Variants in CTIF observed in about 807,000 individuals in gnomAD.
CTIF encodes CBP80/20-dependent translation initiation factor.
In CTIF, 21 loss-of-function variants were observed where a neutral mutation model predicts 66.0. The ratio of observed to expected loss-of-function variants is 0.32; its 90% confidence interval spans 0.23 to 0.46. CTIF has a LOEUF of 0.46. Ranked by LOEUF, CTIF falls within the 20% of genes least tolerant of loss-of-function variation. CTIF has a pLI of 1.00. For missense variants in CTIF, 739 were observed against 812.7 expected, an observed-to-expected ratio of 0.91 and a Z score of 1.10; for synonymous variants, 345 against 326.4, an observed-to-expected ratio of 1.06 and a Z score of -0.62.
At chr18:48,677,356 C>T (rs565204724) in intron 6 of CTIF, among the ~76,000 whole-genome samples, 1 of 152,300 alleles carries the variant, frequency 6.6e-6, no homozygotes, top group Admixed American at 6.5e-5. Context: ...CAGGCATTGT[C>T]TTATAGCCAT....
chr18:48,742,576 G>A (rs1468319948), intron 7 of CTIF, among the ~76,000 whole-genome samples: 1 of 152,272 alleles, frequency 6.6e-6, no homozygotes, highest in Non-Finnish European at 1.5e-5. Flanking sequence ...TTTCCCGAGT[G>A]AGTGATGACA....
chr18:48,633,527 C>A (rs1411319831), intron 2 of CTIF, among the ~76,000 whole-genome samples: 1 of 151,964 alleles, frequency 6.6e-6, no homozygotes, highest in Non-Finnish European at 1.5e-5. Flanking sequence ...CATGGTGAAA[C>A]CCCATCTCTA....
chr18:48,609,567 C>G (rs1212683279), intron 1 of CTIF, among the ~76,000 whole-genome samples: 1 of 152,132 alleles, frequency 6.6e-6, no homozygotes, highest in Admixed American at 6.5e-5. Context: ...AGGAAGCAGG[C>G]CCAGAGTCCG....
chr18:48,701,220 G>A (rs577189558), intron 6 of CTIF, among the ~76,000 whole-genome samples: 8 of 152,232 alleles, frequency 5.3e-5, no homozygotes, highest in Non-Finnish European at 1.0e-4. Flanking sequence ...ATGGCCCTTT[G>A]TACCTCTCAC....
intron 9 of CTIF, among the ~76,000 whole-genome samples, chr18:48,794,234 G>C (rs1195088906): frequency 2.0e-5 from 3 of 152,188 alleles, no homozygotes; most frequent in African/African-American, 7.2e-5. Flanking sequence ...ATCTTTTGCT[G>C]CTCCTTTGAC....
At chr18:48,658,510 T>C (rs958242198) in intron 3 of CTIF, among the ~76,000 whole-genome samples, 5 of 152,092 alleles carry the variant, frequency 3.3e-5, no homozygotes, top group Non-Finnish European at 7.4e-5. Context: ...ATGTGTGTAG[T>C]ATATACATGT....
intron 7 of CTIF, among the ~76,000 whole-genome samples, chr18:48,753,569 G>A (rs1908043832): frequency 6.6e-6 from 1 of 151,480 alleles, no homozygotes; most frequent in African/African-American, 2.4e-5. Context: ...AATGAACGAT[G>A]GAAAAAGCAT....
chr18:48,736,151 A>C (rs2092500899), intron 7 of CTIF, among the ~76,000 whole-genome samples: 1 of 152,232 alleles, frequency 6.6e-6, no homozygotes, highest in South Asian at 2.1e-4. Flanking sequence ...ACACTGAGTC[A>C]AGACCTGGTC....
At chr18:48,713,260 G>A (rs1044477092) in intron 7 of CTIF, among the ~76,000 whole-genome samples, 3 of 152,136 alleles carry the variant, frequency 2.0e-5, no homozygotes, top group Admixed American at 2.0e-4. Flanking sequence ...TGGCAGGGAA[G>A]ACCCAGAGTG....
intron 7 of CTIF, among the ~76,000 whole-genome samples, chr18:48,729,705 T>A (rs892576981): frequency 6.6e-6 from 1 of 152,220 alleles, no homozygotes; most frequent in Admixed American, 6.5e-5. Context: ...TTTCACCCAC[T>A]TGGGGATCCG....
At chr18:48,777,994 G>C (rs1300526490) in intron 9 of CTIF, among the ~76,000 whole-genome samples, 1 of 152,208 alleles carries the variant, frequency 6.6e-6, no homozygotes, top group African/African-American at 2.4e-5. Flanking sequence ...TAGAGTCACT[G>C]TTTCAACACC....
chr18:48,732,063 C>T (rs1483398156), intron 7 of CTIF, among the ~76,000 whole-genome samples: 1 of 152,248 alleles, frequency 6.6e-6, no homozygotes, highest in Admixed American at 6.5e-5. Flanking sequence ...TTCCAACACC[C>T]CGAAGAGAAT....
chr18:48,769,888 A>G (rs972233130), intron 9 of CTIF, among the ~76,000 whole-genome samples: 10 of 152,106 alleles, frequency 6.6e-5, no homozygotes, highest in African/African-American at 1.9e-4. Flanking sequence ...TGGTCTTTCA[A>G]TCTGTTTGTG....
intron 9 of CTIF, among the ~76,000 whole-genome samples, chr18:48,768,869 G>A (rs551679410): frequency 2.6e-5 from 4 of 152,252 alleles, no homozygotes; most frequent in Middle Eastern, 3.4e-3. Flanking sequence ...CTGCTGTTGC[G>A]CTCCAGTGTG....
At chr18:48,582,986 C>T (rs1328202621) in intron 1 of CTIF, among the ~76,000 whole-genome samples, 1 of 152,216 alleles carries the variant, frequency 6.6e-6, no homozygotes, top group Non-Finnish European at 1.5e-5. Context: ...AAATGGGCAG[C>T]TGAGGGTCAG....
At position 48,619,726 on chromosome 18, in the gene CTIF, C is replaced by A. The variant is rs1011115084; in HGVS notation, c.161C>A (p.Thr54Asn). 11 of 1,599,840 alleles carry A rather than the reference C, an allele frequency of 6.9e-6. No homozygotes were observed. The highest frequency in any genetic ancestry group is 1.7e-4 in the Middle Eastern group (1 of 6,036). The change falls in exon 2 of 12, where the codon ACC becomes AAC. Residue 54 changes from threonine to asparagine, a missense_variant. Transcript: ENST00000256413. ...KTEGDGESER[T>N]QSHISQWTAD... ...GAGGGTGATGGCGAGAGCGAGAGGA[C>A]CCAGTCCCACATCTCCCAGGTGAGC...
At chr18:48,581,391 C>A (rs564409439) in intron 1 of CTIF, among the ~76,000 whole-genome samples, 4 of 152,304 alleles carry the variant, frequency 2.6e-5, no homozygotes, top group African/African-American at 9.6e-5. Context: ...GCTCTGCCCT[C>A]ATCTTATCTC....
chr18:48,645,907 C>T (rs891643420), intron 3 of CTIF, among the ~76,000 whole-genome samples: 4 of 152,200 alleles, frequency 2.6e-5, no homozygotes, highest in Non-Finnish European at 5.9e-5. Context: ...GCCCTTTTCC[C>T]CTGCCAGAGT....
At chr18:48,577,252 A>G (rs551070108) in intron 1 of CTIF, among the ~76,000 whole-genome samples, 5 of 152,334 alleles carry the variant, frequency 3.3e-5, no homozygotes, top group African/African-American at 9.6e-5. Flanking sequence ...AAGGTGGGTG[A>G]TGTCAAAAGC....
Sources: gnomAD v4.1 joint callset for allele counts (sites outside exome capture counted in the v4.1 genomes callset) on GRCh38, gnomAD v4.1.1 for gene constraint, MANE v1.5 for transcripts, NCBI Gene and HGNC (gene_info 2026-07-23, HGNC 2026-07-21) for gene names.